DOK7: variants seen among roughly 807,000 people sequenced by gnomAD.
DOK7 encodes docking protein 7.
In DOK7, 32 loss-of-function variants were observed where a neutral mutation model predicts 30.7. That is an observed-to-expected ratio of 1.04 (90% CI 0.79 to 1.40). The LOEUF is 1.40. Among genes scored for constraint, DOK7 ranks in the 40% most tolerant of loss-of-function variants. The probability of loss-of-function intolerance (pLI) is 0.00; values close to 1 mark genes in which losing one functional copy is unlikely to be tolerated. For missense variants in DOK7, 1,007 were observed against 699.2 expected, an observed-to-expected ratio of 1.44 and a Z score of -4.97; for synonymous variants, 447 against 324.1, an observed-to-expected ratio of 1.38 and a Z score of -4.07.
chr4:3,468,962 CTGTATGAGTGTACG>C (rs1247717797), intron 2 of DOK7, among the ~76,000 whole-genome samples: 4 of 134,568 alleles, frequency 3.0e-5, no homozygotes, highest in African/African-American at 1.2e-4. Flanking sequence ...AGTGTGGTGC[CTGTATGAGTGTACG>C]TGTGCCTGTG....
rs544589677 is a variant in DOK7 at position 3,473,368 on chromosome 4, G to C, written c.101-38G>C. ...GGGACGCCAAGGGTGCGGGCAGGCGGTGTTGGCTGGCGTCCCTGACGGCCA... is the reference window on the plus strand; with the variant it reads ...GGGACGCCAAGGGTGCGGGCAGGCGCTGTTGGCTGGCGTCCCTGACGGCCA... On this transcript the variant is annotated intron_variant, in intron 2 of 6. Coordinates refer to ENST00000340083, the MANE Select transcript of DOK7 (RefSeq NM_173660.5). 7 of 1,602,342 alleles carry C rather than the reference G, an allele frequency of 4.4e-6. No homozygotes were observed. The African/African-American group carries it at 6.7e-5, about 15-fold the overall frequency.
intron 5 of DOK7, 143 bp from the exon 6 acceptor site, chr4:3,489,534 G>A (rs1728033819): frequency 9.7e-6 from 13 of 1,342,458 alleles, no homozygotes; most frequent in Admixed American, 2.0e-5. Flanking sequence ...CCTCTGGGAT[G>A]AGGCATCGGG....
chr4:3,486,764 A>G (rs547727571), intron 5 of DOK7, among the ~76,000 whole-genome samples: 39 of 152,186 alleles, frequency 2.6e-4, no homozygotes, highest in Non-Finnish European at 4.3e-4. Flanking sequence ...TAGCGGCTGC[A>G]GGCAGGTGTG....
chr4:3,484,563 C>G (rs938360296), intron 4 of DOK7: 20 of 985,386 alleles, frequency 2.0e-5, no homozygotes, highest in Non-Finnish European at 2.4e-5. Context: ...GCCGCCAGGG[C>G]TTCATTCACC....
chr4:3,477,146 G>A (rs181112719), intron 4 of DOK7, among the ~76,000 whole-genome samples: 1 of 149,508 alleles, frequency 6.7e-6, no homozygotes, highest in East Asian at 1.9e-4. Flanking sequence ...TGAGGTGCCC[G>A]CCGGGGCTGT....
downstream of DOK7, among the ~76,000 whole-genome samples, chr4:3,497,346 G>T (rs78218266): frequency 1.3e-5 from 2 of 152,036 alleles, no homozygotes; most frequent in Non-Finnish European, 2.9e-5. Flanking sequence ...GGTGGTGAGC[G>T]ACTCGGCGAA....
At chr4:3,496,672 G>C (rs144225879), downstream of DOK7, 3 of 779,850 alleles carry the variant, frequency 3.8e-6, no homozygotes, top group East Asian at 8.2e-5. Context: ...AAGGCATCAG[G>C]TATGGCGGGC....
At chr4:3,498,819 G>T (rs918631821), downstream of DOK7, among the ~76,000 whole-genome samples, 1 of 152,128 alleles carries the variant, frequency 6.6e-6, no homozygotes, top group African/African-American at 2.4e-5. Context: ...ATTTGCAGGA[G>T]GGGGGTCTCC....
chr4:3,492,667 G>C (rs1391610897), intron 6 of DOK7, 92 bp from the exon 7 acceptor site: 4 of 1,558,640 alleles, frequency 2.6e-6, no homozygotes, highest in South Asian at 2.3e-5. Flanking sequence ...AGACCAGAGA[G>C]TGCTGGCCTG....
At position 3,492,950 on chromosome 4, in the gene DOK7, C is replaced by T. The variant is rs957049925; in HGVS notation, c.964C>T (p.Leu322=). ...VGASRPPPKP[L]RPRQLQEVGR... ...TGCCTCAAGGCCACCCCCCAAGCCG[C>T]TGCGTCCGCGGCAGCTGCAGGAGGT... Residue 322 remains leucine, a synonymous_variant, in exon 7 of 7, where the codon CTG becomes TTG. Coordinates refer to ENST00000340083, the MANE Select transcript of DOK7 (RefSeq NM_173660.5). 6.4e-7 allele frequency: 1 copy of T among 1,554,402 alleles called. No homozygotes were observed. The highest frequency in any genetic ancestry group is 8.7e-7 in the Non-Finnish European group (1 of 1,152,584).
At position 3,476,285 on chromosome 4, in the gene DOK7, C is replaced by T. The variant is rs1467240408; in HGVS notation, c.332-57C>T. Reference sequence around the variant, plus strand: ...GTGATGCCCTCTCACCCCACCCGCCCGTGATGTCCTCTCACCCTGCCCGCC... The same window carrying T: ...GTGATGCCCTCTCACCCCACCCGCCTGTGATGTCCTCTCACCCTGCCCGCC... On this transcript the variant is annotated intron_variant, in intron 3 of 6. Transcript: ENST00000340083. 32 of 1,505,552 alleles carry T rather than the reference C, an allele frequency of 2.1e-5. 3 individuals are homozygous for T. Among genetic ancestry groups the T allele is most frequent in the South Asian group, 1.6e-4 (13 of 81,688 alleles). 93.3% of individuals were successfully genotyped at this position (1,505,552 alleles called of 1,614,324 possible).
intron 6 of DOK7, among the ~76,000 whole-genome samples, chr4:3,491,745 G>A (rs183374181): frequency 1.3e-5 from 2 of 152,362 alleles, no homozygotes; most frequent in Non-Finnish European, 2.9e-5. Flanking sequence ...CAGGTGAGCT[G>A]GCTGCCCAGG....
intron 2 of DOK7, among the ~76,000 whole-genome samples, chr4:3,469,100 G>A (rs1313023556): frequency 6.7e-6 from 1 of 150,306 alleles, no homozygotes; most frequent in Non-Finnish European, 1.5e-5. Context: ...GTGCCTGTGT[G>A]TGCGTGCATG....
intron 6 of DOK7, among the ~76,000 whole-genome samples, chr4:3,490,990 TTCATTCCTTCCTTCTTCTTCCTGC>T (rs1728350577): frequency 5.6e-5 from 5 of 89,174 alleles, no homozygotes; most frequent in Non-Finnish European, 1.3e-4. Context: ...CTCCTGCTCA[TTCATTCCTTCCTTCTTCTTCCTGC>T]TCATTCATTC....
At chr4:3,479,073 G>A (rs1036656504) in intron 4 of DOK7, among the ~76,000 whole-genome samples, 9 of 152,222 alleles carry the variant, frequency 5.9e-5, no homozygotes, top group African/African-American at 2.2e-4. Flanking sequence ...TCTGCAGCCT[G>A]GAGGCCAGAA....
exon 8 of DOK7, chr4:3,501,058 C>G: frequency 1.6e-6 from 1 of 638,462 alleles, no homozygotes; most frequent in Non-Finnish European, 2.5e-6. Context: ...AAGAGTTGCT[C>G]TGGACCCCAG....
intron 5 of DOK7, among the ~76,000 whole-genome samples, chr4:3,486,434 C>T (rs116456314): frequency 0.059 from 8,984 of 152,326 alleles, 377 homozygotes; most frequent in African/African-American, 0.11. Context: ...TCACATGTGG[C>T]GCCTCCTGGC....
At position 3,478,873 on chromosome 4, in the gene DOK7, C is replaced by T. The variant is rs182953127; in HGVS notation, c.532+2331C>T. Among the ~76,000 whole-genome samples the T allele has an allele frequency of 4.6e-5, 7 of 152,278 alleles. No homozygotes were observed. In the East Asian group the frequency reaches 1.4e-3, roughly 29 times the overall value. ...TTAGACTCGGCCAAGCGGTGGTGTT[C>T]TCAACGCAGCACTGAGTGCAGGCCG... On this transcript the variant is annotated intron_variant, in intron 4 of 6. Coordinates refer to ENST00000340083, the MANE Select transcript of DOK7 (RefSeq NM_173660.5).
At chr4:3,497,650 G>A (rs575673403), downstream of DOK7, among the ~76,000 whole-genome samples, 9 of 152,094 alleles carry the variant, frequency 5.9e-5, no homozygotes, top group Admixed American at 2.0e-4. Context: ...CCAGGCAGGT[G>A]GCACCTACAG....
Sources: gnomAD v4.1 joint callset for allele counts (sites outside exome capture counted in the v4.1 genomes callset) on GRCh38, gnomAD v4.1.1 for gene constraint, MANE v1.5 for transcripts, NCBI Gene and HGNC (gene_info 2026-07-23, HGNC 2026-07-21) for gene names.